KCNMA1: variants seen among roughly 807,000 people sequenced by gnomAD.
KCNMA1 encodes the protein potassium calcium-activated channel subfamily M alpha 1.
A neutral mutation model predicts 140.0 loss-of-function variants in KCNMA1; 29 were observed. The ratio of observed to expected loss-of-function variants is 0.21; its 90% CI spans 0.15 to 0.28. The LOEUF is 0.28. KCNMA1 is among the 10% of genes least tolerant of loss of function. KCNMA1 has a pLI of 1.00. For synonymous variants in KCNMA1, 612 were observed against 611.9 expected, an observed-to-expected ratio of 1.00 and a Z score of 0.00; for missense variants, 880 against 1,602.2, an observed-to-expected ratio of 0.55 and a Z score of 7.70.
At chr10:77,074,603 C>A (rs80231825) in intron 13 of KCNMA1, among the ~76,000 whole-genome samples, 1 of 152,110 alleles carries the variant, frequency 6.6e-6, no homozygotes, top group African/African-American at 2.4e-5. Context: ...GTTCTAGAAG[C>A]CAGAATTAAG....
At chr10:77,246,959 A>G (rs1599874573) in intron 3 of KCNMA1, among the ~76,000 whole-genome samples, 2 of 152,246 alleles carry the variant, frequency 1.3e-5, no homozygotes, top group South Asian at 2.1e-4. Flanking sequence ...AAGTGCCCCC[A>G]TTGTGTGCCA....
intron 2 of KCNMA1, among the ~76,000 whole-genome samples, chr10:77,276,081 A>G (rs972372004): frequency 2.3e-4 from 35 of 152,132 alleles, no homozygotes; most frequent in African/African-American, 8.4e-4. Flanking sequence ...CTGAGTCAAC[A>G]TGAGTACCAC....
intron 9 of KCNMA1, among the ~76,000 whole-genome samples, chr10:77,094,891 G>A (rs947565056): frequency 4.5e-4 from 68 of 151,942 alleles, no homozygotes; most frequent in African/African-American, 1.6e-3. Context: ...TGTAGAGATA[G>A]GTTCTTGCTA....
intron 18 of KCNMA1, among the ~76,000 whole-genome samples, chr10:77,007,671 A>ATATATATATATATATATATATATATG (rs1565504676): frequency 7.1e-6 from 1 of 141,372 alleles, no homozygotes; most frequent in African/African-American, 2.6e-5. Context: ...ATATATATAT[A>ATATATATATATATATATATATATATG]TATATGTATC....
intron 24 of KCNMA1, chr10:76,912,446 A>G (rs1303264657): frequency 6.6e-6 from 1 of 152,260 alleles, no homozygotes; most frequent in Non-Finnish European, 1.5e-5. Context: ...GAACATGTAG[A>G]TAAATAAGAA....
intron 1 of KCNMA1, among the ~76,000 whole-genome samples, chr10:77,421,465 C>A (rs2096865289): frequency 6.6e-6 from 1 of 152,126 alleles, no homozygotes; most frequent in Non-Finnish European, 1.5e-5. Flanking sequence ...CTGTAAAGGG[C>A]CAGATAGGAA....
rs200581419 is a variant in KCNMA1, at chr10:76,886,817, T to C, written c.*449A>G. 109 of 1,078,996 alleles carry C rather than the reference T, an allele frequency of 1.0e-4. No individual in the cohort carries two copies. Among genetic ancestry groups the C allele is most frequent in the Non-Finnish European group, 1.2e-4 (107 of 886,402 alleles). The allele number at this position is 1,078,996 out of a possible 1,614,324, so 66.8% of individuals were successfully genotyped here. On this transcript the variant is annotated 3_prime_UTR_variant, in exon 28 of 28. Transcript: ENST00000286628. The stretch of plus-strand genomic sequence containing the variant: ...AATAAACATGTGCTAACTTATTGTG[T>C]GTATAAAAAAAGAAAGAAAGGAAAA...
At chr10:77,419,477 CT>C (rs1458937971) in intron 1 of KCNMA1, among the ~76,000 whole-genome samples, 1 of 152,096 alleles carries the variant, frequency 6.6e-6, no homozygotes, top group East Asian at 1.9e-4. Flanking sequence ...GTTTTTCTTA[CT>C]AGAAGCTAGG....
intron 3 of KCNMA1, among the ~76,000 whole-genome samples, chr10:77,190,368 T>G (rs2098929463): frequency 6.6e-6 from 1 of 152,178 alleles, no homozygotes; most frequent in South Asian, 2.1e-4. Context: ...ATAATCCCCA[T>G]TTTACAGACA....
chr10:77,446,566 C>A, intron 1 of KCNMA1, among the ~76,000 whole-genome samples: 1 of 152,216 alleles, frequency 6.6e-6, no homozygotes, highest in African/African-American at 2.4e-5. Flanking sequence ...ATGAGCTGAG[C>A]CTTGAAAATC....
intron 1 of KCNMA1, among the ~76,000 whole-genome samples, chr10:77,514,040 T>C (rs1463760879): frequency 2.0e-5 from 3 of 152,262 alleles, no homozygotes; most frequent in Admixed American, 1.3e-4. Context: ...CACCCGTGCC[T>C]ATCTTTAGAA....
At chr10:77,206,119 G>T (rs1180359974) in intron 3 of KCNMA1, among the ~76,000 whole-genome samples, 1 of 152,156 alleles carries the variant, frequency 6.6e-6, no homozygotes, top group African/African-American at 2.4e-5. Context: ...TAAGGCGAGA[G>T]AACATTTGTT....
chr10:76,884,729 C>T (rs745326337), downstream of KCNMA1: 61 of 466,730 alleles, frequency 1.3e-4, no homozygotes, highest in Non-Finnish European at 1.9e-4. Flanking sequence ...AGCCTCATTG[C>T]GCTGAGCAAT....
chr10:77,469,695 C>T (rs1237698273), intron 1 of KCNMA1, among the ~76,000 whole-genome samples: 1 of 152,194 alleles, frequency 6.6e-6, no homozygotes, highest in Non-Finnish European at 1.5e-5. Context: ...GCCAGGGATT[C>T]AGTGATGGTG....
Position 77,506,596 on chromosome 10 carries a change from A to AGAGAGAGAGTGTGTGTGTGTGTGTGTGT in KCNMA1, c.379-102574_379-102573insACACACACACACACACACACTCTCTCTC. 3.5e-4 allele frequency among the ~76,000 whole-genome samples: 29 copies of AGAGAGAGAGTGTGTGTGTGTGTGTGTGT among 83,554 alleles called. No individual in the cohort carries two copies. In the East Asian group the frequency reaches 5.8e-3, roughly 17 times the overall value. 54.8% of individuals were successfully genotyped at this position (83,554 alleles called of 152,430 possible). Reference sequence around the variant, plus strand: ...TAGAGAGAGAGAGAGAGAGAGAGAGAGTGTGTGTGTGTGTGTGTGTGTGTT... The same window carrying AGAGAGAGAGTGTGTGTGTGTGTGTGTGT: ...TAGAGAGAGAGAGAGAGAGAGAGAGAGAGAGAGAGTGTGTGTGTGTGTGTGTGTGTGTGTGTGTGTGTGTGTGTGTGTT... On this transcript the variant is annotated intron_variant, in intron 1 of 27. Coordinates refer to ENST00000286628, the MANE Select transcript of KCNMA1 (RefSeq NM_001161352.2).
chr10:77,491,271 G>A (rs1276133427), intron 1 of KCNMA1, among the ~76,000 whole-genome samples: 1 of 152,114 alleles, frequency 6.6e-6, no homozygotes, highest in Non-Finnish European at 1.5e-5. Context: ...CAAAGGACTG[G>A]CCCAGGAGAC....
chr10:77,276,121 T>C (rs1479245084), intron 2 of KCNMA1, among the ~76,000 whole-genome samples: 1 of 152,216 alleles, frequency 6.6e-6, no homozygotes, highest in African/African-American at 2.4e-5. Context: ...GGCTGCTGCA[T>C]CTCAGAGTGA....
chr10:77,320,502 T>C (rs2082059113), intron 2 of KCNMA1, among the ~76,000 whole-genome samples: 1 of 152,070 alleles, frequency 6.6e-6, no homozygotes, highest in Non-Finnish European at 1.5e-5. Flanking sequence ...CTCTCGGTGC[T>C]CTGCTTCTCT....
In KCNMA1 at chr10:77,597,375, T is replaced by A. The variant is rs1001067245; in HGVS notation, c.378+39890A>T. Among the ~76,000 whole-genome samples the A allele has an allele frequency of 3.6e-4, 54 of 152,084 alleles. 1 individual carries two copies. The highest frequency in any genetic ancestry group is 3.4e-3 in the Admixed American group (52 of 15,268). ...GCTAGAAGAGAAAGAATTTCAGATG[T>A]CCCCAACACATAGAAATGATAAATA... is the stretch of plus-strand genomic sequence containing the variant. On this transcript the variant is annotated intron_variant, in intron 1 of 27. Coordinates refer to ENST00000286628, the MANE Select transcript of KCNMA1 (RefSeq NM_001161352.2).
Sources: allele counts gnomAD v4.1 joint callset (sites outside exome capture counted in the v4.1 genomes callset), GRCh38; gene constraint gnomAD v4.1.1; transcripts MANE v1.5; gene names NCBI Gene and HGNC (gene_info 2026-07-23, HGNC 2026-07-21).